Variants in ACTN2 observed in about 807,000 individuals in gnomAD.
ACTN2 encodes actinin alpha 2.
In ACTN2, 39 loss-of-function variants were observed where a neutral mutation model predicts 113.8. The observed-to-expected ratio is 0.34, with a 90% CI of 0.27 to 0.45. ACTN2 has a LOEUF of 0.45. Ranked by LOEUF, ACTN2 falls within the 20% of genes least tolerant of loss-of-function variation. The probability of loss-of-function intolerance (pLI) is 1.00; values close to 1 mark genes in which losing one functional copy is unlikely to be tolerated. For synonymous variants in ACTN2, 429 were observed against 444.1 expected (o/e 0.97, Z 0.43); for missense variants, 992 against 1,177.9 (o/e 0.84, Z 2.31).
intron 6 of ACTN2, among the ~76,000 whole-genome samples, chr1:236,730,295 C>T (rs7515691): frequency 1.6e-4 from 24 of 146,710 alleles, no homozygotes; most frequent in African/African-American, 6.0e-4. Context: ...TTACTGAAAT[C>T]GCTGTATACT....
chr1:236,762,340 AC>A, intron 20 of ACTN2, 120 bp from the exon 21 acceptor site: 1 of 1,317,874 alleles, frequency 7.6e-7, no homozygotes, highest in South Asian at 1.2e-5. Context: ...ATGCCAATAG[AC>A]TCCCTATTCT....
chr1:236,709,429 A>G (rs1230938811), intron 1 of ACTN2, among the ~76,000 whole-genome samples: 3 of 150,074 alleles, frequency 2.0e-5, no homozygotes, highest in African/African-American at 7.4e-5. Context: ...AAATAATTGC[A>G]TGGTGTCAGA....
intron 14 of ACTN2, among the ~76,000 whole-genome samples, chr1:236,751,073 T>G: frequency 9.1e-6 from 1 of 109,468 alleles, no homozygotes. Context: ...CTGAGTGACC[T>G]AGCGAGACCC....
chr1:236,699,332 A>G (rs1335870053), intron 1 of ACTN2, among the ~76,000 whole-genome samples: 1 of 152,162 alleles, frequency 6.6e-6, no homozygotes, highest in African/African-American at 2.4e-5. Flanking sequence ...AGAAAACGGA[A>G]TTTTGAGGCA....
chr1:236,734,531 A>T, intron 7 of ACTN2: 1 of 1,512,000 alleles, frequency 6.6e-7, no homozygotes. Flanking sequence ...GAGGATGTAA[A>T]CCATGAGTCA....
chr1:236,727,598 A>G (rs1293167307), intron 5 of ACTN2, 80 bp from the exon 6 acceptor site: 15 of 1,470,872 alleles, frequency 1.0e-5, no homozygotes, highest in Non-Finnish European at 1.4e-5. Flanking sequence ...AAGGAAGGCC[A>G]ACATCTGACT....
intron 1 of ACTN2, among the ~76,000 whole-genome samples, chr1:236,713,119 A>C (rs962743416): frequency 6.6e-6 from 1 of 152,204 alleles, no homozygotes; most frequent in South Asian, 2.1e-4. Context: ...GGAGCTAGTT[A>C]CATAAAATAC....
In ACTN2 at chr1:236,724,566, G is replaced by C. The variant is rs555504612; in HGVS notation, c.449-1367G>C. ...GTCTCCGACTGCAGTGCAGTTCTGA[G>C]GTTAATTTCGCCAGGCTGATGGAGT... On this transcript the variant is annotated intron_variant, in intron 4 of 20. Transcript: ENST00000366578. 4.1e-4 allele frequency among the ~76,000 whole-genome samples: 62 copies of C among 152,350 alleles called. 1 individual carries two copies. The highest frequency in any genetic ancestry group is 3.4e-3 in the Middle Eastern group (1 of 294).
Position 236,751,653 on chromosome 1 carries a change from G to A in ACTN2, c.1839+1G>A. On this transcript the variant is annotated splice_donor_variant, in intron 15 of 20. Coordinates refer to ENST00000366578, the MANE Select transcript of ACTN2 (RefSeq NM_001103.4). LOFTEE classifies it high-confidence loss of function. ...TGAGCTCCGGACCAAGTGGGACAAGGTGGGTGGCTGAGGGCCTGGTGTGGG... is the reference window on the plus strand; with the variant it reads ...TGAGCTCCGGACCAAGTGGGACAAGATGGGTGGCTGAGGGCCTGGTGTGGG... 6.2e-7 allele frequency: 1 copy of A among 1,613,976 alleles called. No homozygotes were observed. Among genetic ancestry groups the A allele is most frequent in the Non-Finnish European group, 8.5e-7 (1 of 1,179,862 alleles).
At chr1:236,717,204 G>T (rs1023048827) in intron 1 of ACTN2, among the ~76,000 whole-genome samples, 6 of 151,986 alleles carry the variant, frequency 3.9e-5, no homozygotes, top group African/African-American at 1.2e-4. Context: ...AGCACTTTGG[G>T]AGGCTGAGGC....
chr1:236,729,089 G>T (rs1408946148), intron 6 of ACTN2, among the ~76,000 whole-genome samples: 2 of 152,104 alleles, frequency 1.3e-5, no homozygotes, highest in Admixed American at 1.3e-4. Flanking sequence ...TCCATCATGG[G>T]TGGTGAAACC....
chr1:236,751,733 C>T, intron 15 of ACTN2, 81 bp downstream of exon 15: 1 of 1,524,632 alleles, frequency 6.6e-7, no homozygotes, highest in Non-Finnish European at 9.1e-7. Context: ...GCCTCGGGGA[C>T]TTAGGGTGAC....
At position 236,761,185 on chromosome 1, in the gene ACTN2, C is replaced by G; in HGVS notation, c.2526+12C>G. The G allele has an allele frequency of 1.2e-6, 2 of 1,614,066 alleles. No individual in the cohort carries two copies. On this transcript the variant is annotated intron_variant, in intron 20 of 20. Coordinates refer to ENST00000366578, the MANE Select transcript of ACTN2 (RefSeq NM_001103.4). ...TGGCTTCTGATAAGGTCTGCATTGA[C>G]AGATTTCCTTCTGCTTTAGCAGGAG...
chr1:236,742,516 T>C (rs986345139), intron 10 of ACTN2, among the ~76,000 whole-genome samples: 4 of 151,804 alleles, frequency 2.6e-5, no homozygotes, highest in Non-Finnish European at 5.9e-5. Flanking sequence ...AACAGCAACA[T>C]AGCGAGACTC....
At chr1:236,734,345 C>A in intron 7 of ACTN2, 1 of 921,528 alleles carries the variant, frequency 1.1e-6, no homozygotes, top group Non-Finnish European at 1.6e-6. Flanking sequence ...GGGGAGGATT[C>A]CTGATTCCAA....
chr1:236,743,085 G>A (rs1159905975), intron 11 of ACTN2, 42 bp downstream of exon 11: 1 of 1,610,788 alleles, frequency 6.2e-7, no homozygotes, highest in African/African-American at 1.3e-5. Context: ...AAAAACCAGA[G>A]TTGAGCCATG....
chr1:236,757,806 T>G (rs1659593840), intron 18 of ACTN2, among the ~76,000 whole-genome samples, 174 bp downstream of exon 18: 1 of 152,232 alleles, frequency 6.6e-6, no homozygotes, highest in Admixed American at 6.5e-5. Context: ...GCTTTGATGT[T>G]GCTCAAGGTG....
chr1:236,748,128 G>A, intron 13 of ACTN2: 1 of 318,022 alleles, frequency 3.1e-6, no homozygotes, highest in Non-Finnish European at 6.0e-6. Flanking sequence ...ATGTGCAAAG[G>A]GAAGATGGAA....
intron 1 of ACTN2, among the ~76,000 whole-genome samples, chr1:236,705,221 A>AT (rs1437436860): frequency 0.016 from 2,394 of 151,672 alleles, 63 homozygotes; most frequent in African/African-American, 0.052. Flanking sequence ...TATATATATA[A>AT]AAAATATCAC....
Sources: allele counts gnomAD v4.1 joint callset (sites outside exome capture counted in the v4.1 genomes callset), GRCh38; gene constraint gnomAD v4.1.1; transcripts MANE v1.5; gene names NCBI Gene and HGNC (gene_info 2026-07-23, HGNC 2026-07-21).